WSCD1: variants seen among roughly 807,000 people sequenced by gnomAD.
WSCD1 encodes the protein sialate:O-sulfotransferase 1.
A neutral mutation model predicts 60.4 loss-of-function variants in WSCD1; 41 were observed. The observed-to-expected ratio is 0.68, with a 90% CI of 0.53 to 0.88. WSCD1 has a LOEUF of 0.88. Among genes scored for constraint, WSCD1 ranks in the 40% least tolerant of loss-of-function variants. The pLI, the probability that WSCD1 is intolerant of heterozygous loss-of-function variation, is 0.00. For synonymous variants in WSCD1, 361 were observed against 332.5 expected (o/e 1.09, Z -0.93); for missense variants, 784 against 796.2 (o/e 0.98, Z 0.18).
rs1910337510 is a variant in WSCD1 at position 6,095,150 on chromosome 17, C to T, written c.776C>T (p.Thr259Ile). ...TGCTTCCGACTGCCAGAGAACATCACACATGCCTTCCCCAGCTCCCTGATA... is the reference window on the plus strand; with the variant it reads ...TGCTTCCGACTGCCAGAGAACATCATACATGCCTTCCCCAGCTCCCTGATA... Reference protein sequence around the residue: ...RGCFRLPENITHAFPSSLIQA... With the variant: ...RGCFRLPENIIHAFPSSLIQA... The change falls in exon 5 of 9, where the codon ACA becomes ATA. Residue 259 changes from threonine to isoleucine, a missense_variant. Coordinates refer to ENST00000317744, the MANE Select transcript of WSCD1 (RefSeq NM_015253.2). 4 of 1,613,776 alleles carry T rather than the reference C, an allele frequency of 2.5e-6. No homozygotes were observed. Among genetic ancestry groups the T allele is most frequent in the Admixed American group, 1.7e-5 (1 of 59,970 alleles).
At chr17:6,117,887 C>T in intron 7 of WSCD1, 101 bp from the exon 8 acceptor site, 1 of 1,257,560 alleles carries the variant, frequency 8.0e-7, no homozygotes, top group South Asian at 1.3e-5. Context: ...TGGGCCCTCT[C>T]TTATGCCCCT....
In WSCD1 at chr17:6,120,690, T is replaced by C; in HGVS notation, c.*29T>C. ...GCCTGGCCCACGCCGCCGCCCCCGC[T>C]GAGTGACGCAATCGCACCACGGGGC... On this transcript the variant is annotated 3_prime_UTR_variant, in exon 9 of 9. Coordinates refer to ENST00000317744, the MANE Select transcript of WSCD1 (RefSeq NM_015253.2). The C allele has an allele frequency of 1.3e-6, 2 of 1,581,810 alleles. No individual in the cohort carries two copies. The highest frequency in any genetic ancestry group is 1.7e-6 in the Non-Finnish European group (2 of 1,162,132).
intron 4 of WSCD1, among the ~76,000 whole-genome samples, chr17:6,094,732 GGGAA>G (rs1910293580): frequency 6.8e-6 from 1 of 147,054 alleles, no homozygotes; most frequent in African/African-American, 2.6e-5. Context: ...AAGGGAGGGA[GGGAA>G]GGAGGGAGGG....
At chr17:6,108,609 G>T (rs1224611818) in intron 5 of WSCD1, among the ~76,000 whole-genome samples, 1 of 152,214 alleles carries the variant, frequency 6.6e-6, no homozygotes, top group African/African-American at 2.4e-5. Context: ...CAGGCCCGGT[G>T]CTGGGCACTT....
At chr17:6,087,526 A>G (rs1358155926) in intron 2 of WSCD1, among the ~76,000 whole-genome samples, 1 of 152,234 alleles carries the variant, frequency 6.6e-6, no homozygotes, top group Non-Finnish European at 1.5e-5. Flanking sequence ...TAAATTTGCT[A>G]AAATCAAACT....
rs180765732 is a variant in WSCD1, at chr17:6,080,809, C to A, written c.151C>A (p.Pro51Thr). ...CCCACAGGGCCCCCGGGCACCCGGCCCCCTGCAGACCTTGCCAGTGGCCGC... is the reference window on the plus strand; with the variant it reads ...CCCACAGGGCCCCCGGGCACCCGGCACCCTGCAGACCTTGCCAGTGGCCGC... ...ALPQGPRAPG[P>T]LQTLPVAAVA... is the part of the protein sequence containing the mutation. The change falls in exon 2 of 9, where the codon CCC (proline) becomes ACC (threonine). Residue 51 changes from proline (P) to threonine (T), a missense_variant. Coordinates refer to ENST00000317744, the MANE Select transcript of WSCD1 (RefSeq NM_015253.2). This position sits in a 1 kb window ranked among gnomAD's most constrained non-coding sequence, Gnocchi z 6.6. The A allele has an allele frequency of 4.3e-6, 7 of 1,609,446 alleles. No homozygotes were observed. The highest frequency in any genetic ancestry group is 5.9e-6 in the Non-Finnish European group (7 of 1,178,562).
chr17:6,085,304 T>C (rs1223910659), intron 2 of WSCD1, among the ~76,000 whole-genome samples: 3 of 152,168 alleles, frequency 2.0e-5, no homozygotes, highest in African/African-American at 7.2e-5. Context: ...AGAATTTGAG[T>C]TTCTGGGAAG....
upstream of WSCD1, among the ~76,000 whole-genome samples, chr17:6,069,701 G>A (rs1908404664): frequency 6.6e-6 from 1 of 151,668 alleles, no homozygotes; most frequent in African/African-American, 2.4e-5. Context: ...GTTCCAGCAG[G>A]TGCTTGTTTC....
In WSCD1 at chr17:6,120,347, T is replaced by C. The variant is rs779844973; in HGVS notation, c.1414T>C (p.Ser472Pro). 6.2e-7 allele frequency: 1 copy of C among 1,614,020 alleles called. No individual in the cohort carries two copies. Among genetic ancestry groups the C allele is most frequent in the Non-Finnish European group, 8.5e-7 (1 of 1,179,982 alleles). The change falls in exon 9 of 9, where the codon TCC becomes CCC. Residue 472 changes from serine (S) to proline (P), a missense_variant. By Grantham distance (74) the Ser-to-Pro change is moderately conservative. Transcript: ENST00000317744. ...TGTCAACAGCTACGCCTCGTGGTGG[T>C]CCTCGCACGTCCTGGACTGGCTCAA... The part of the protein sequence containing the change: ...DFVNSYASWW[S>P]SHVLDWLKYG...
intron 5 of WSCD1, among the ~76,000 whole-genome samples, chr17:6,098,382 G>A (rs939704563): frequency 2.6e-5 from 4 of 152,202 alleles, no homozygotes. Context: ...CCAGATTGCT[G>A]CAGTTTCACA....
chr17:6,089,846 T>C (rs1158438992), intron 3 of WSCD1, among the ~76,000 whole-genome samples: 1 of 152,176 alleles, frequency 6.6e-6, no homozygotes, highest in Non-Finnish European at 1.5e-5. Flanking sequence ...CTGGTTCCAT[T>C]CGTTTATCAC....
At position 6,111,016 on chromosome 17, in the gene WSCD1, A is replaced by G. The variant is rs1911378032; in HGVS notation, c.1174+81A>G. 2.0e-6 allele frequency: 3 copies of G among 1,501,318 alleles called. No individual in the cohort carries two copies. The African/African-American group carries it at 4.2e-5, about 21-fold the overall frequency. 93.0% of individuals were successfully genotyped at this position (1,501,318 alleles called of 1,614,324 possible). On this transcript the variant is annotated intron_variant, in intron 7 of 8. Transcript: ENST00000317744. Reference sequence around the variant, plus strand: ...CCTTGCCAGCCAAGCTTCTCAGAGCACTAGAGCAGTGCATCTCAAACTTGA... The same window carrying G: ...CCTTGCCAGCCAAGCTTCTCAGAGCGCTAGAGCAGTGCATCTCAAACTTGA...
At position 6,090,340 on chromosome 17, in the gene WSCD1, T is replaced by G. The variant is rs772198997; in HGVS notation, c.562T>G (p.Leu188Val). ...CAERSYVYAGLEAGAECYCGN... is the reference protein window; with the variant it reads ...CAERSYVYAGVEAGAECYCGN... ...CTGCAGGTCCTATGTCTACGCCGGC[T>G]TGGAGGCCGGGGCGGAGTGTTACTG... Residue 188 changes from leucine to valine, a missense_variant, in exon 4 of 9, where the codon TTG becomes GTG. Coordinates refer to ENST00000317744, the MANE Select transcript of WSCD1 (RefSeq NM_015253.2). The G allele has an allele frequency of 6.2e-7, 1 of 1,604,122 alleles. No individual in the cohort carries two copies. Among genetic ancestry groups the G allele is most frequent in the Non-Finnish European group, 8.5e-7 (1 of 1,175,926 alleles).
At chr17:6,078,284 C>G (rs765636614) in intron 1 of WSCD1, among the ~76,000 whole-genome samples, 5 of 152,242 alleles carry the variant, frequency 3.3e-5, no homozygotes, top group Non-Finnish European at 2.9e-5. Context: ...AAGGAGATTA[C>G]AGACTTTGGA....
At chr17:6,089,202 A>G (rs1283102238) in intron 3 of WSCD1, among the ~76,000 whole-genome samples, 1 of 152,226 alleles carries the variant, frequency 6.6e-6, no homozygotes, top group East Asian at 1.9e-4. Context: ...TTACATAAAC[A>G]TACGTTATGG....
chr17:6,083,714 G>T (rs1909432276), intron 2 of WSCD1, among the ~76,000 whole-genome samples: 1 of 152,180 alleles, frequency 6.6e-6, no homozygotes, highest in African/African-American at 2.4e-5. Flanking sequence ...AGGAGGCAGA[G>T]GTTGCAGTGA....
intron 5 of WSCD1, among the ~76,000 whole-genome samples, chr17:6,097,362 T>C (rs1221276199): frequency 6.6e-6 from 1 of 152,260 alleles, no homozygotes; most frequent in East Asian, 1.9e-4. Flanking sequence ...TCTCACTCCA[T>C]GCATTTCCTT....
chr17:6,080,617 G>A lies in WSCD1; in HGVS notation c.-42G>A. 2 of 1,603,964 alleles carry A rather than the reference G, an allele frequency of 1.2e-6. No homozygotes were observed. Among genetic ancestry groups the A allele is most frequent in the Non-Finnish European group, 1.7e-6 (2 of 1,176,836 alleles). On this transcript the variant is annotated 5_prime_UTR_variant, in exon 2 of 9. Coordinates refer to ENST00000317744, the MANE Select transcript of WSCD1 (RefSeq NM_015253.2). The surrounding 1 kb of genome is among the most constrained non-coding windows in gnomAD (Gnocchi z 6.6). ...CCTCACTCCCACCTGGGCGCTAGGA[G>A]CCATCCCGGGGCTCCAGCCAGGAGC...
At chr17:6,079,813 C>T (rs76572597) in intron 1 of WSCD1, among the ~76,000 whole-genome samples, 3,068 of 152,278 alleles carry the variant, frequency 0.02, 97 homozygotes, top group African/African-American at 0.069. Flanking sequence ...TGTCTCATTG[C>T]AGGCTGGGCC....
Sources: allele counts gnomAD v4.1 joint callset (sites outside exome capture counted in the v4.1 genomes callset), GRCh38; gene constraint gnomAD v4.1.1; non-coding constraint Gnocchi (gnomAD v3.1); transcripts MANE v1.5; gene names NCBI Gene and HGNC (gene_info 2026-07-23, HGNC 2026-07-21).